TYRP1: variants seen among roughly 807,000 people sequenced by gnomAD.
TYRP1 encodes 5,6-dihydroxyindole-2-carboxylic acid oxidase.
TYRP1 carries 49 observed loss-of-function variants against 42.8 expected under a neutral mutation model. The ratio of observed to expected loss-of-function variants is 1.14; its 90% CI spans 0.91 to 1.45. TYRP1 has a LOEUF of 1.45. Ranked by LOEUF, TYRP1 falls within the 40% of genes most tolerant of loss-of-function variation. The probability of loss-of-function intolerance (pLI) is 0.00; values close to 1 mark genes in which losing one functional copy is unlikely to be tolerated. For synonymous variants in TYRP1, 279 were observed against 235.4 expected, an observed-to-expected ratio of 1.19 and a Z score of -1.69; for missense variants, 848 against 662.0, an observed-to-expected ratio of 1.28 and a Z score of -3.08.
At chr9:12,705,414 T>A (rs1265623077) in intron 6 of TYRP1, among the ~76,000 whole-genome samples, 1 of 152,100 alleles carries the variant, frequency 6.6e-6, no homozygotes, top group East Asian at 1.9e-4. Flanking sequence ...AACCTGATAT[T>A]GTAGCTTAAC....
intron 3 of TYRP1, among the ~76,000 whole-genome samples, chr9:12,696,339 A>C (rs1818078228): frequency 6.6e-6 from 1 of 152,128 alleles, no homozygotes; most frequent in Non-Finnish European, 1.5e-5. Context: ...TTAGACTCTC[A>C]TATTTTCATT....
chr9:12,694,559 G>T, intron 2 of TYRP1, 178 bp downstream of exon 2: 2 of 757,644 alleles, frequency 2.6e-6, no homozygotes, highest in Non-Finnish European at 4.2e-6. Flanking sequence ...GTAAAGGGTT[G>T]GAGTTGAAGC....
At chr9:12,693,887 T>G in intron 1 of TYRP1, 25 bp from the exon 2 acceptor site, 2 of 1,493,460 alleles carry the variant, frequency 1.3e-6, no homozygotes, top group Non-Finnish European at 1.8e-6. Context: ...ACTTGCATAA[T>G]CTCATTTTAC....
At position 12,709,313 on chromosome 9, in the gene TYRP1, T is replaced by C; in HGVS notation, c.*131T>C. 2 of 941,124 alleles carry C rather than the reference T, an allele frequency of 2.1e-6. No homozygotes were observed. The highest frequency in any genetic ancestry group is 2.8e-5 in the South Asian group (2 of 71,958). The allele number at this position is 941,124 out of a possible 1,614,324, so 58.3% of individuals were successfully genotyped here. A position where few individuals can be genotyped will look rare whatever the true frequency, so the allele number is the denominator to read the frequency against. ...ATACAAGCATATGTTAGCATTAAAG[T>C]TCTAGGCATACTTTTCAAAGCTGGG... On this transcript the variant is annotated 3_prime_UTR_variant, in exon 8 of 8. Transcript: ENST00000388918.
chr9:12,706,971 G>A (rs1041637896), intron 6 of TYRP1, among the ~76,000 whole-genome samples: 1 of 151,880 alleles, frequency 6.6e-6, no homozygotes, highest in African/African-American at 2.4e-5. Context: ...GAAAAGTGGA[G>A]TCATTCAAAT....
rs764517875 is a variant in TYRP1 at position 12,695,597 on chromosome 9, C to T, written c.468C>T (p.His156=). 1 of 1,614,158 alleles carries T rather than the reference C, an allele frequency of 6.2e-7. No homozygotes were observed. The highest frequency in any genetic ancestry group is 2.2e-5 in the East Asian group (1 of 44,870). Reference sequence around the variant, plus strand: ...TGGATATGGCAAAGCGCACAACTCACCCTTTATTTGTCATTGCCACCAGGA... The same window carrying T: ...TGGATATGGCAAAGCGCACAACTCATCCTTTATTTGTCATTGCCACCAGGA... ...RALDMAKRTT[H]PLFVIATRRS... The change falls in exon 3 of 8, where the codon CAC becomes CAT. Residue 156 remains histidine (H), a synonymous_variant. Transcript: ENST00000388918.
chr9:12,705,179 T>C (rs572768253), intron 6 of TYRP1, among the ~76,000 whole-genome samples: 2 of 152,216 alleles, frequency 1.3e-5, no homozygotes, highest in South Asian at 2.1e-4. Flanking sequence ...AAAGTTAATG[T>C]TGGCTTTTAT....
At position 12,702,480 on chromosome 9, in the gene TYRP1, A is replaced by C. The variant is rs1009608355; in HGVS notation, c.1081+42A>C. On this transcript the variant is annotated intron_variant, in intron 5 of 7. Coordinates refer to ENST00000388918, the MANE Select transcript of TYRP1 (RefSeq NM_000550.3). ...AGTATTTTTAAAAGATCTAGTTATC[A>C]GAGAAAACTGAATTATTCAAAAGCA... is the stretch of plus-strand genomic sequence containing the variant. The C allele has an allele frequency of 1.9e-6, 3 of 1,592,516 alleles. No homozygotes were observed. In the African/African-American group the frequency reaches 4.0e-5, roughly 21 times the overall value.
intron 4 of TYRP1, among the ~76,000 whole-genome samples, chr9:12,701,215 GA>G (rs1263908106): frequency 6.6e-6 from 1 of 151,694 alleles, no homozygotes; most frequent in Non-Finnish European, 1.5e-5. Flanking sequence ...CTTGATACTT[GA>G]TTTTTTTTTC....
intron 5 of TYRP1, among the ~76,000 whole-genome samples, chr9:12,703,477 T>C (rs918308172): frequency 6.6e-6 from 1 of 151,956 alleles, no homozygotes; most frequent in Non-Finnish European, 1.5e-5. Flanking sequence ...GCACTGATGT[T>C]TTAAAAAATG....
Position 12,704,515 on chromosome 9 carries a change from C to T in TYRP1, c.1082-11C>T, listed in dbSNP as rs756828099. The T allele has an allele frequency of 1.2e-6, 2 of 1,610,102 alleles. No homozygotes were observed. Among genetic ancestry groups the T allele is most frequent in the Non-Finnish European group, 8.5e-7 (1 of 1,178,708 alleles). On this transcript the variant is annotated splice_polypyrimidine_tract_variant and intron_variant, in intron 5 of 7. Coordinates refer to ENST00000388918, the MANE Select transcript of TYRP1 (RefSeq NM_000550.3). ...ATAGTTTTACTATTCTCCTCCTTAC[C>T]ATGTGTCTAGGTTACAGTGACCCCA...
intron 2 of TYRP1, among the ~76,000 whole-genome samples, chr9:12,694,905 G>A (rs904581120): frequency 3.9e-5 from 6 of 152,140 alleles, no homozygotes; most frequent in Non-Finnish European, 8.8e-5. Flanking sequence ...GCACTAAACA[G>A]TAACAGCCAA....
At position 12,709,202 on chromosome 9, in the gene TYRP1, T is replaced by C. The variant is rs746354417; in HGVS notation, c.*20T>C. ...GTCTAACAAATGCCCTACTCTCTTA[T>C]GCATTAGTATCACAAAACCACCTGG... is the stretch of plus-strand genomic sequence containing the variant. On this transcript the variant is annotated 3_prime_UTR_variant, in exon 8 of 8. Transcript: ENST00000388918. The C allele has an allele frequency of 6.2e-7, 1 of 1,608,306 alleles. No individual in the cohort carries two copies. Among genetic ancestry groups the C allele is most frequent in the Admixed American group, 1.7e-5 (1 of 59,788 alleles).
chr9:12,701,899 G>C (rs1382441481), intron 4 of TYRP1: 1 of 199,750 alleles, frequency 5.0e-6, no homozygotes, highest in Non-Finnish European at 1.0e-5. Context: ...GTGACATAAA[G>C]ATTTTAGTGT....
At chr9:12,701,659 C>A (rs1025930903) in intron 4 of TYRP1, 20 of 152,310 alleles carry the variant, frequency 1.3e-4, no homozygotes, top group Non-Finnish European at 2.9e-4. Context: ...CTCCCACCAT[C>A]TCTCTTCTTT....
rs1160525621 is a variant in TYRP1, at chr9:12,695,772, C to A, written c.643C>A (p.His215Asn). Residue 215 changes from histidine to asparagine, a missense_variant, in exon 3 of 8, where the codon CAT becomes AAT. Physicochemically the swap from His to Asn is moderately conservative, Grantham distance 68 (BLOSUM62 1). Coordinates refer to ENST00000388918, the MANE Select transcript of TYRP1 (RefSeq NM_000550.3). ...AAGCTTTGGTGAAGTGGATTTCTCT[C>A]ATGAGGGACCAGCTTTTCTCACATG... The part of the protein sequence containing the change: ...QESFGEVDFS[H>N]EGPAFLTWHR... 6.2e-7 allele frequency: 1 copy of A among 1,614,138 alleles called. No homozygotes were observed. Among genetic ancestry groups the A allele is most frequent in the South Asian group, 1.1e-5 (1 of 91,070 alleles).
Position 12,694,324 on chromosome 9 carries a change from T to G in TYRP1, c.328T>G (p.Cys110Gly), listed in dbSNP as rs1818042506. Residue 110 changes from cysteine (C) to glycine (G), a missense_variant, in exon 2 of 8, where the codon TGT (cysteine) becomes GGT (glycine). Transcript: ENST00000388918. ...CAACGGCAATTTCTCAGGACACAAC[T>G]GTGGGACGTGCCGTCCTGGCTGGAG... ...HCNGNFSGHN[C>G]GTCRPGWRGA... 6.2e-7 allele frequency: 1 copy of G among 1,614,022 alleles called. No homozygotes were observed.
Position 12,693,965 on chromosome 9 carries a change from G to C in TYRP1, c.-32G>C. ...TCTCTACACAAAGAGCTGCAAACCA[G>C]GTCTTTGTTTTGCACTCTTATTTCA... On this transcript the variant is annotated 5_prime_UTR_variant, in exon 2 of 8. Transcript: ENST00000388918. 6.2e-7 allele frequency: 1 copy of C among 1,612,942 alleles called. No homozygotes were observed. Among genetic ancestry groups the C allele is most frequent in the Non-Finnish European group, 8.5e-7 (1 of 1,179,886 alleles).
At chr9:12,704,159 C>G (rs1022159190) in intron 5 of TYRP1, among the ~76,000 whole-genome samples, 1 of 151,972 alleles carries the variant, frequency 6.6e-6, no homozygotes, top group African/African-American at 2.4e-5. Context: ...GCATTCTTCT[C>G]CCAATTGTGT....
Sources: gnomAD v4.1 joint callset for allele counts (sites outside exome capture counted in the v4.1 genomes callset) on GRCh38, gnomAD v4.1.1 for gene constraint, MANE v1.5 for transcripts, NCBI Gene and HGNC (gene_info 2026-07-23, HGNC 2026-07-21) for gene names.